ZNF487: variants seen among roughly 807,000 people sequenced by gnomAD.
ZNF487 encodes the protein KRAB domain only 1.
A neutral mutation model predicts 3.0 loss-of-function variants in ZNF487; 4 were observed. That is an observed-to-expected ratio of 1.35 (90% CI 0.66 to 3.08). The LOEUF (loss-of-function observed/expected upper bound fraction) is 3.08, where lower values mean the gene tolerates loss of function less well. ZNF487 is among the 30% of genes most tolerant of loss of function. ZNF487 has a pLI of 0.01. For synonymous variants in ZNF487, 55 were observed against 34.6 expected, an observed-to-expected ratio of 1.59 and a Z score of -2.06; for missense variants, 146 against 98.7, an observed-to-expected ratio of 1.48 and a Z score of -2.03.
At chr10:43,455,776 C>G (rs1030273908) in intron 1 of ZNF487, among the ~76,000 whole-genome samples, 2 of 152,240 alleles carry the variant, frequency 1.3e-5, no homozygotes, top group Non-Finnish European at 2.9e-5. Context: ...GGCCCTTTGG[C>G]GCGTAGGAGA....
the ZNF487 span, among the ~76,000 whole-genome samples, chr10:43,500,579 G>A: frequency 1.3e-5 from 2 of 152,112 alleles, no homozygotes; most frequent in South Asian, 2.1e-4. Flanking sequence ...TCAGCTCACC[G>A]CAACCTCTGC....
At chr10:43,450,898 T>C (rs1245890541) in intron 1 of ZNF487, among the ~76,000 whole-genome samples, 1 of 152,168 alleles carries the variant, frequency 6.6e-6, no homozygotes, top group African/African-American at 2.4e-5. Flanking sequence ...AGTAATACAT[T>C]TGGAGCCACG....
chr10:43,463,504 T>C (rs1160707196), intron 1 of ZNF487, among the ~76,000 whole-genome samples: 1 of 151,904 alleles, frequency 6.6e-6, no homozygotes, highest in Non-Finnish European at 1.5e-5. Flanking sequence ...TGCCACTGCA[T>C]TGCAGTCTGG....
the ZNF487 span, among the ~76,000 whole-genome samples, chr10:43,489,795 G>A: frequency 2.6e-5 from 4 of 152,116 alleles, no homozygotes; most frequent in Admixed American, 2.6e-4. Flanking sequence ...GCAAAGTCCT[G>A]AAGGAAGAAT....
At chr10:43,516,501 A>G in the ZNF487 span, among the ~76,000 whole-genome samples, 2 of 152,154 alleles carry the variant, frequency 1.3e-5, no homozygotes, top group Non-Finnish European at 2.9e-5. Flanking sequence ...ATATATATGT[A>G]TAGAGGGGTT....
chr10:43,472,562 G>A (rs1303133776), intron 1 of ZNF487, among the ~76,000 whole-genome samples: 1 of 152,256 alleles, frequency 6.6e-6, no homozygotes, highest in East Asian at 1.9e-4. Flanking sequence ...GAGTACCTGT[G>A]TAGGAAGAGT....
chr10:43,505,078 G>A, the ZNF487 span, among the ~76,000 whole-genome samples: 1 of 152,042 alleles, frequency 6.6e-6, no homozygotes, highest in Non-Finnish European at 1.5e-5. Flanking sequence ...GCTATTCACA[G>A]GTACAGTCAC....
downstream of ZNF487, among the ~76,000 whole-genome samples, chr10:43,487,854 G>T (rs1422266849): frequency 6.6e-6 from 1 of 150,746 alleles, no homozygotes; most frequent in East Asian, 1.9e-4. Context: ...GGAGGCCGAG[G>T]TGGGTGGATC....
the ZNF487 span, among the ~76,000 whole-genome samples, chr10:43,521,513 A>G: frequency 6.6e-6 from 1 of 152,356 alleles, no homozygotes; most frequent in East Asian, 1.9e-4. Flanking sequence ...GCACTTGTTT[A>G]TAGTATGAGA....
upstream of ZNF487, chr10:43,437,060 C>T (rs1398960420): frequency 1.9e-5 from 6 of 315,594 alleles, no homozygotes; most frequent in Non-Finnish European, 3.8e-5. Flanking sequence ...GAGCGCTGGA[C>T]TGGCGGGCGC....
chr10:43,501,409 AT>A, the ZNF487 span, among the ~76,000 whole-genome samples: 1 of 152,122 alleles, frequency 6.6e-6, no homozygotes, highest in Non-Finnish European at 1.5e-5. Context: ...CAATATATTA[AT>A]TTTAGTTTAC....
intron 1 of ZNF487, chr10:43,454,098 TGTAGAGTGCA>T: frequency 6.6e-6 from 1 of 152,266 alleles, no homozygotes; most frequent in African/African-American, 2.4e-5. Flanking sequence ...CAGGCTGAAG[TGTAGAGTGCA>T]GTGGCATGAT....
the ZNF487 span, among the ~76,000 whole-genome samples, chr10:43,501,818 C>G: frequency 6.6e-6 from 1 of 150,798 alleles, no homozygotes; most frequent in African/African-American, 2.4e-5. Context: ...CAGGGTCTTG[C>G]TCTGCCACTC....
intron 1 of ZNF487, among the ~76,000 whole-genome samples, chr10:43,455,316 T>G (rs1430898421): frequency 6.6e-6 from 1 of 152,212 alleles, no homozygotes; most frequent in African/African-American, 2.4e-5. Flanking sequence ...CGGCCTAGTT[T>G]GCACTTTTAT....
the ZNF487 span, among the ~76,000 whole-genome samples, chr10:43,507,951 C>T: frequency 1.6e-3 from 244 of 152,278 alleles, no homozygotes; most frequent in African/African-American, 5.6e-3. Context: ...ATAAAAAAGC[C>T]TGTGTCATGG....
chr10:43,436,972 A>G (rs1195407579), upstream of ZNF487: 1 of 445,410 alleles, frequency 2.2e-6, no homozygotes, highest in Non-Finnish European at 4.7e-6. Flanking sequence ...GGCAGCTGGT[A>G]GCAGGGTGGG....
At chr10:43,450,086 C>T (rs1383370630) in intron 1 of ZNF487, among the ~76,000 whole-genome samples, 3 of 152,202 alleles carry the variant, frequency 2.0e-5, no homozygotes, top group Non-Finnish European at 2.9e-5. Context: ...TCTTTTTGCC[C>T]GGGCTGGAGT....
chr10:43,520,572 G>A, the ZNF487 span, among the ~76,000 whole-genome samples: 61,537 of 152,002 alleles, frequency 0.4, 13,947 homozygotes, highest in East Asian at 0.55. Flanking sequence ...TGTGGCAAAA[G>A]AACAAAACCA....
At position 43,476,140 on chromosome 10, in the gene ZNF487, A is replaced by G; in HGVS notation, c.68A>G (p.Lys23Arg). 1 of 717,508 alleles carries G rather than the reference A, an allele frequency of 1.4e-6. No individual in the cohort carries two copies. Among genetic ancestry groups the G allele is most frequent in the Non-Finnish European group, 2.6e-6 (1 of 385,102 alleles). 44.4% of individuals were successfully genotyped at this position (717,508 alleles called of 1,614,324 possible). A position where few individuals can be genotyped will look rare whatever the true frequency, so the allele number is the denominator to read the frequency against. ...ATTACCAAACCAGAGGTGGTTTGCA[A>G]GTTGGAGCATGGACAGGTGCTGTGG... is the stretch of plus-strand genomic sequence containing the variant. ...YCITKPEVVCKLEHGQVLWIL... is the reference protein window; with the variant it reads ...YCITKPEVVCRLEHGQVLWIL... The change falls in exon 3 of 4, where the codon AAG becomes AGG. Residue 23 changes from lysine (K) to arginine (R), a missense_variant. Lys to Arg is a conservative substitution (Grantham distance 26). Coordinates refer to ENST00000437590, the MANE Select transcript of ZNF487 (RefSeq NM_001355444.3).
Sources: gnomAD v4.1 joint callset for allele counts (sites outside exome capture counted in the v4.1 genomes callset) on GRCh38, gnomAD v4.1.1 for gene constraint, MANE v1.5 for transcripts, NCBI Gene and HGNC (gene_info 2026-07-23, HGNC 2026-07-21) for gene names.